Variants in NAV3 observed in about 807,000 individuals in gnomAD.
The protein encoded by NAV3 is neuron navigator 3.
In NAV3, 87 loss-of-function variants were observed where a neutral mutation model predicts 244.7. That is an observed-to-expected ratio of 0.36 (90% CI 0.30 to 0.42). NAV3 has a LOEUF of 0.42. Among genes scored for constraint, NAV3 ranks in the 20% least tolerant of loss-of-function variants. The pLI, the probability that NAV3 is intolerant of heterozygous loss-of-function variation, is 1.00. For synonymous variants in NAV3, 1,126 were observed against 1,042.2 expected (o/e 1.08, Z -1.55); for missense variants, 2,663 against 2,893.3 (o/e 0.92, Z 1.83).
At chr12:78,069,803 T>A (rs1193825491) in intron 12 of NAV3, among the ~76,000 whole-genome samples, 6 of 152,080 alleles carry the variant, frequency 3.9e-5, no homozygotes, top group African/African-American at 1.4e-4. Flanking sequence ...TATGTTAGTG[T>A]GGGTATATGT....
chr12:77,782,941 G>C (rs1046953137), intron 2 of NAV3, among the ~76,000 whole-genome samples: 4 of 152,098 alleles, frequency 2.6e-5, no homozygotes, highest in Non-Finnish European at 5.9e-5. Context: ...CACAGGCTGT[G>C]TTTACAGGCT....
chr12:77,791,418 G>A (rs1339123226), intron 2 of NAV3, among the ~76,000 whole-genome samples: 1 of 151,506 alleles, frequency 6.6e-6, no homozygotes, highest in Non-Finnish European at 1.5e-5. Context: ...TCAATCTTAT[G>A]GATAGGCCCT....
rs997864243 is a variant in NAV3, at chr12:77,668,187, C to T, written c.72+95921C>T. ...ACCTAGTCTACCCAAATGAGATGGA[C>T]CCAGAAAAACATTCTAGTAATATGA... On this transcript the variant is annotated intron_variant, in intron 2 of 8. Coordinates refer to the NAV3 transcript ENST00000550042. 3.9e-5 allele frequency among the ~76,000 whole-genome samples: 6 copies of T among 152,074 alleles called. 1 individual carries two copies. The highest frequency in any genetic ancestry group is 4.1e-4 in the South Asian group (2 of 4,838).
chr12:77,604,873 G>T (rs143809265), intron 2 of NAV3, among the ~76,000 whole-genome samples: 234 of 152,132 alleles, frequency 1.5e-3, no homozygotes, highest in African/African-American at 5.5e-3. Context: ...ACACTACATT[G>T]TTTGAAAAAA....
intron 12 of NAV3, among the ~76,000 whole-genome samples, chr12:78,084,921 T>A (rs1017339410): frequency 6.6e-6 from 1 of 152,106 alleles, no homozygotes; most frequent in Non-Finnish European, 1.5e-5. Context: ...AAATTATTTA[T>A]GATGTTTGAA....
At position 77,753,495 on chromosome 12, in the gene NAV3, C is replaced by T. The variant is rs77018834; in HGVS notation, c.72+181229C>T. ...TAATGACAGCTTCTTGGATGCAGCA[C>T]ATGTGTGTTCTATCTCCATCTCTCT... On this transcript the variant is annotated intron_variant, in intron 2 of 8. Transcript: ENST00000550042. Among the ~76,000 whole-genome samples the T allele has an allele frequency of 9.8e-3, 1,500 of 152,292 alleles. 32 individuals are homozygous for T. The highest frequency in any genetic ancestry group is 0.075 in the South Asian group (362 of 4,824).
intron 37 of NAV3, among the ~76,000 whole-genome samples, chr12:78,200,078 A>G (rs1364891638): frequency 6.6e-6 from 1 of 152,116 alleles, no homozygotes; most frequent in Admixed American, 6.6e-5. Context: ...CTCACTGTCA[A>G]CACAGTTTAG....
At chr12:77,712,340 A>G (rs1372634077) in intron 2 of NAV3, among the ~76,000 whole-genome samples, 1 of 152,138 alleles carries the variant, frequency 6.6e-6, no homozygotes, top group African/African-American at 2.4e-5. Context: ...TCCTTCATAA[A>G]TTTATTCTCC....
intron 12 of NAV3, among the ~76,000 whole-genome samples, chr12:78,092,248 A>G (rs1383081898): frequency 6.6e-6 from 1 of 152,184 alleles, no homozygotes; most frequent in Non-Finnish European, 1.5e-5. Context: ...ATGACATATT[A>G]AAAACAAAGT....
At chr12:77,994,103 G>A (rs1296791500) in intron 5 of NAV3, among the ~76,000 whole-genome samples, 1 of 152,186 alleles carries the variant, frequency 6.6e-6, no homozygotes, top group Non-Finnish European at 1.5e-5. Flanking sequence ...CAAAGATTTT[G>A]ATTTAAAAAA....
chr12:77,873,242 C>T (rs984516331), intron 1 of NAV3, among the ~76,000 whole-genome samples: 1 of 152,112 alleles, frequency 6.6e-6, no homozygotes, highest in Non-Finnish European at 1.5e-5. Flanking sequence ...GGTATTTCTT[C>T]ATAGCAGTAT....
At chr12:77,764,606 A>G (rs1481238152) in intron 2 of NAV3, among the ~76,000 whole-genome samples, 2 of 152,258 alleles carry the variant, frequency 1.3e-5, no homozygotes, top group Admixed American at 6.5e-5. Context: ...ATATTACTTC[A>G]TAGGATTTTT....
intron 9 of NAV3, among the ~76,000 whole-genome samples, chr12:78,029,360 T>C (rs1878601216): frequency 6.6e-6 from 1 of 152,148 alleles, no homozygotes; most frequent in African/African-American, 2.4e-5. Context: ...ATAACAATGT[T>C]AACACTGCAG....
chr12:78,065,698 A>G (rs1884934775), intron 12 of NAV3, among the ~76,000 whole-genome samples: 1 of 152,140 alleles, frequency 6.6e-6, no homozygotes, highest in Non-Finnish European at 1.5e-5. Context: ...ATGCTAGGTT[A>G]TGAAAAGGTG....
intron 5 of NAV3, among the ~76,000 whole-genome samples, chr12:77,985,539 C>A (rs898088114): frequency 6.6e-6 from 1 of 151,772 alleles, no homozygotes; most frequent in Admixed American, 6.6e-5. Flanking sequence ...TCTGAATATC[C>A]ATTTTCCCAG....
Position 78,077,972 on chromosome 12 carries a change from C to A in NAV3, c.2636+18857C>A, listed in dbSNP as rs566076606. Among the ~76,000 whole-genome samples, 3 of 152,250 alleles carry A rather than the reference C, an allele frequency of 2.0e-5. No individual in the cohort carries two copies. The South Asian group carries it at 6.2e-4, about 32-fold the overall frequency. On this transcript the variant is annotated intron_variant, in intron 12 of 39. Coordinates refer to ENST00000397909, the MANE Select transcript of NAV3 (RefSeq NM_001024383.2). The stretch of plus-strand genomic sequence containing the variant: ...AAAAACAGAAACATATTGTCTCACC[C>A]TTCTGGAGGCTAGACATTAGAAATC...
intron 2 of NAV3, among the ~76,000 whole-genome samples, chr12:77,755,581 TCCTCCCTC>T (rs1176667955): frequency 1.2e-4 from 1 of 8,432 alleles, no homozygotes; most frequent in South Asian, 4.4e-3. Context: ...TCCTTTCCTT[TCCTCCCTC>T]CCTCCCTCCC....
intron 2 of NAV3, among the ~76,000 whole-genome samples, chr12:77,749,338 A>C (rs922250072): frequency 5.3e-5 from 8 of 152,252 alleles, no homozygotes; most frequent in Admixed American, 4.6e-4. Flanking sequence ...AGTAGGGTTC[A>C]GCCCTGTAAT....
chr12:77,660,404 A>T (rs1873380589), intron 2 of NAV3, among the ~76,000 whole-genome samples: 1 of 152,170 alleles, frequency 6.6e-6, no homozygotes, highest in Non-Finnish European at 1.5e-5. Context: ...TTGGCAAAGA[A>T]ATCGGGAGAT....
Sources: gnomAD v4.1 joint callset for allele counts (sites outside exome capture counted in the v4.1 genomes callset) on GRCh38, gnomAD v4.1.1 for gene constraint, MANE v1.5 for transcripts, NCBI Gene and HGNC (gene_info 2026-07-23, HGNC 2026-07-21) for gene names.